CDKN2B-AS1: variants seen among roughly 807,000 people sequenced by gnomAD.
CDKN2B-AS1 encodes the protein CDKN2B and CDKN2A antisense cis and trans regulatory RNA 1.
Position 22,006,119 on chromosome 9 carries a change from C to A in CDKN2B-AS1, n.29+10958C>A. 1 of 1,610,854 alleles carries A rather than the reference C, an allele frequency of 6.2e-7. No homozygotes were observed. The highest frequency in any genetic ancestry group is 1.1e-5 in the South Asian group (1 of 91,062). On this transcript the variant is annotated intron_variant and non_coding_transcript_variant, in intron 1 of 4. Transcript: ENST00000650946. This position sits in a 1 kb window ranked among gnomAD's most constrained non-coding sequence, Gnocchi z 6.4. ...CCCCGGCCCGGTGCAGCACCACCAG[C>A]GTGTCCAGGAAGCCCTCCCGGGCAG...
At chr9:22,102,155 C>A (rs1454618351) in intron 4 of CDKN2B-AS1, among the ~76,000 whole-genome samples, 1 of 152,164 alleles carries the variant, frequency 6.6e-6, no homozygotes, top group Non-Finnish European at 1.5e-5. Flanking sequence ...AACTGAGATG[C>A]ATCTGAATGA....
intron 1 of CDKN2B-AS1, among the ~76,000 whole-genome samples, chr9:21,998,870 GAT>G (rs557375685): frequency 2.6e-3 from 393 of 150,652 alleles, no homozygotes; most frequent in African/African-American, 9.3e-3. Flanking sequence ...TAAGAAAAAA[GAT>G]AACATAAGCA....
At chr9:22,091,182 C>G (rs1318025903) in intron 4 of CDKN2B-AS1, among the ~76,000 whole-genome samples, 1 of 152,106 alleles carries the variant, frequency 6.6e-6, no homozygotes, top group Non-Finnish European at 1.5e-5. Flanking sequence ...TTCCATTGGT[C>G]TATATCTCTG....
chr9:22,057,235 T>A (rs2131292163), intron 4 of CDKN2B-AS1, among the ~76,000 whole-genome samples: 1 of 152,304 alleles, frequency 6.6e-6, no homozygotes, highest in Middle Eastern at 3.4e-3. Flanking sequence ...AGCTATGTAT[T>A]CTTCAGTATG....
rs374418123 is a variant in CDKN2B-AS1, at chr9:22,083,472, T to C, written n.438+27085T>C. Among the ~76,000 whole-genome samples the C allele has an allele frequency of 2.2e-4, 33 of 152,334 alleles. 2 individuals are homozygous for C. Among genetic ancestry groups the C allele is most frequent in the East Asian group, 1.9e-3 (10 of 5,180 alleles). ...TAAGAAGGTATACTACAACAGTGGC[T>C]CCCAAATCTCAATGAGTAGCCAGTT... On this transcript the variant is annotated intron_variant and non_coding_transcript_variant, in intron 4 of 4. Transcript: ENST00000650946.
At position 22,001,489 on chromosome 9, in the gene CDKN2B-AS1, C is replaced by A. The variant is rs1820917163; in HGVS notation, n.29+6328C>A. ...TTTGTTTTACATTTAGTTCACACCA[C>A]AAATTAGTAAGTCAGGCTTGGTGCT... On this transcript the variant is annotated intron_variant and non_coding_transcript_variant, in intron 1 of 4. Coordinates refer to ENST00000650946, the Ensembl canonical transcript of CDKN2B-AS1. This position sits in a 1 kb window ranked among gnomAD's most constrained non-coding sequence, Gnocchi z 4.2. Among the ~76,000 whole-genome samples, 1 of 152,128 alleles carries A rather than the reference C, an allele frequency of 6.6e-6. No individual in the cohort carries two copies. Among genetic ancestry groups the A allele is most frequent in the Non-Finnish European group, 1.5e-5 (1 of 67,984 alleles).
At chr9:22,103,717 T>C (rs1014920935) in intron 4 of CDKN2B-AS1, among the ~76,000 whole-genome samples, 2 of 152,204 alleles carry the variant, frequency 1.3e-5, no homozygotes, top group Admixed American at 1.3e-4. Context: ...TTAAAACAAT[T>C]TATTTGAGTA....
intron 1 of CDKN2B-AS1, among the ~76,000 whole-genome samples, chr9:22,013,997 C>T (rs978252758): frequency 3.3e-5 from 5 of 152,208 alleles, no homozygotes; most frequent in African/African-American, 7.2e-5. Flanking sequence ...AGTGGGATTA[C>T]GTACTTTCAC....
chr9:22,065,576 C>A (rs573214608), intron 4 of CDKN2B-AS1: 6 of 152,164 alleles, frequency 3.9e-5, no homozygotes, highest in African/African-American at 1.2e-4. Context: ...ATTGAACGAA[C>A]TTTTTGTTAA....
chr9:22,090,551 T>C (rs990402943), intron 4 of CDKN2B-AS1, among the ~76,000 whole-genome samples: 53 of 152,310 alleles, frequency 3.5e-4, no homozygotes, highest in Non-Finnish European at 6.2e-4. Flanking sequence ...CTCATTGTGG[T>C]TTTGATTTGC....
At chr9:22,100,660 A>G (rs544814962) in intron 4 of CDKN2B-AS1, among the ~76,000 whole-genome samples, 1 of 152,120 alleles carries the variant, frequency 6.6e-6, no homozygotes, top group Non-Finnish European at 1.5e-5. Context: ...GTATTTTTTC[A>G]TTTCCTTGGG....
At chr9:22,027,385 A>G (rs1216001068) in intron 1 of CDKN2B-AS1, among the ~76,000 whole-genome samples, 6 of 152,216 alleles carry the variant, frequency 3.9e-5, no homozygotes, top group Non-Finnish European at 8.8e-5. Flanking sequence ...AGAAGAATCT[A>G]TTGGAAAAAA....
At chr9:22,084,063 T>C (rs1411118895) in intron 4 of CDKN2B-AS1, among the ~76,000 whole-genome samples, 1 of 152,246 alleles carries the variant, frequency 6.6e-6, no homozygotes, top group African/African-American at 2.4e-5. Context: ...GATTCATGCA[T>C]TGTTGTAAGT....
intron 4 of CDKN2B-AS1, among the ~76,000 whole-genome samples, chr9:22,077,010 T>C (rs1824521002): frequency 6.6e-6 from 1 of 152,186 alleles, no homozygotes; most frequent in African/African-American, 2.4e-5. Flanking sequence ...TTAACTATAG[T>C]TGGCAGGTTG....
chr9:22,031,657 C>A (rs1232828405), intron 1 of CDKN2B-AS1, among the ~76,000 whole-genome samples: 3 of 152,142 alleles, frequency 2.0e-5, no homozygotes, highest in Non-Finnish European at 2.9e-5. Context: ...AACAAAGAAA[C>A]TGAGAGCAGA....
In CDKN2B-AS1 at chr9:22,102,582, T is replaced by A. The variant is rs1442805514; in HGVS notation, n.439-24521T>A. Among the ~76,000 whole-genome samples the A allele has an allele frequency of 1.3e-5, 2 of 152,142 alleles. 1 individual carries two copies. Among genetic ancestry groups the A allele is most frequent in the Non-Finnish European group, 2.9e-5 (2 of 68,006 alleles). Reference sequence around the variant, plus strand: ...TCAGGTGTTTTGTGGCTTGTGGCTGTATCACTCCAATTTCTGCCTCTGTTT... The same window carrying A: ...TCAGGTGTTTTGTGGCTTGTGGCTGAATCACTCCAATTTCTGCCTCTGTTT... On this transcript the variant is annotated intron_variant and non_coding_transcript_variant, in intron 4 of 4. Transcript: ENST00000650946.
intron 1 of CDKN2B-AS1, among the ~76,000 whole-genome samples, chr9:22,018,993 T>G (rs1421298094): frequency 1.3e-5 from 2 of 152,050 alleles, no homozygotes; most frequent in Admixed American, 1.3e-4. Flanking sequence ...TTATAGAAAA[T>G]TAACTAATCA....
chr9:22,126,059 T>A (rs1818012465), intron 4 of CDKN2B-AS1, among the ~76,000 whole-genome samples: 1 of 152,168 alleles, frequency 6.6e-6, no homozygotes, highest in Admixed American at 6.5e-5. Context: ...TGCATATAAC[T>A]TTTGACTCCC....
chr9:22,069,115 T>C (rs1271805126), intron 4 of CDKN2B-AS1, among the ~76,000 whole-genome samples: 1 of 152,156 alleles, frequency 6.6e-6, no homozygotes, highest in African/African-American at 2.4e-5. Context: ...TTATTACTTT[T>C]CCTGTGTGAA....
Sources: allele counts gnomAD v4.1 joint callset (sites outside exome capture counted in the v4.1 genomes callset), GRCh38; gene constraint gnomAD v4.1.1; non-coding constraint Gnocchi (gnomAD v3.1); transcripts MANE v1.5; gene names NCBI Gene and HGNC (gene_info 2026-07-23, HGNC 2026-07-21).